IFT88: variants seen among roughly 807,000 people sequenced by gnomAD.
The protein encoded by IFT88 is intraflagellar transport protein 88 homolog.
IFT88 carries 74 observed loss-of-function variants against 119.5 expected under a neutral mutation model. The observed-to-expected ratio is 0.62, with a 90% CI of 0.51 to 0.75. The LOEUF is 0.75. IFT88 is among the 30% of genes least tolerant of loss of function. IFT88 has a pLI of 0.00. For synonymous variants in IFT88, 279 were observed against 316.7 expected, an observed-to-expected ratio of 0.88 and a Z score of 1.26; for missense variants, 961 against 977.7, an observed-to-expected ratio of 0.98 and a Z score of 0.23.
In IFT88 at chr13:20,676,035, A is replaced by G. The variant is rs891178486; in HGVS notation, c.2242+4996A>G. ...TACAGCTTGAACAGTAAAAGTCTGTATCAGTGAACTTCTCTTAAAACCACC... is the reference window on the plus strand; with the variant it reads ...TACAGCTTGAACAGTAAAAGTCTGTGTCAGTGAACTTCTCTTAAAACCACC... On this transcript the variant is annotated intron_variant, in intron 24 of 25. Transcript: ENST00000351808. 2.0e-5 allele frequency among the ~76,000 whole-genome samples: 3 copies of G among 152,344 alleles called. No homozygotes were observed. In the South Asian group the frequency reaches 6.2e-4, roughly 32 times the overall value.
Position 20,671,111 on chromosome 13 carries a change from G to T in IFT88, c.2242+72G>T, listed in dbSNP as rs1594818031. On this transcript the variant is annotated intron_variant, in intron 24 of 25. Transcript: ENST00000351808. Reference sequence around the variant, plus strand: ...GTATGTGGGCTTCTGGAAACATCTTGCAATAATCTAAAGTGTTCTTATGTG... The same window carrying T: ...GTATGTGGGCTTCTGGAAACATCTTTCAATAATCTAAAGTGTTCTTATGTG... 6 of 1,208,856 alleles carry T rather than the reference G, an allele frequency of 5.0e-6. No homozygotes were observed. The East Asian group carries it at 1.2e-4, about 24-fold the overall frequency. The allele number at this position is 1,208,856 out of a possible 1,614,324, so 74.9% of individuals were successfully genotyped here.
chr13:20,580,724 CTTTTTTTTT>C (rs1162699940), intron 2 of IFT88, among the ~76,000 whole-genome samples: 1 of 122,740 alleles, frequency 8.1e-6, no homozygotes, highest in South Asian at 2.6e-4. Flanking sequence ...TTTCTTTTTT[CTTTTTTTTT>C]TTTTTTTTTT....
At chr13:20,630,896 T>C in intron 15 of IFT88, 120 bp from the exon 16 acceptor site, 1 of 557,132 alleles carries the variant, frequency 1.8e-6, no homozygotes, top group Non-Finnish European at 3.3e-6. Flanking sequence ...AACATCTTAA[T>C]CCACCCCTTT....
chr13:20,586,673 C>T (rs995492202), intron 3 of IFT88, among the ~76,000 whole-genome samples: 2 of 152,276 alleles, frequency 1.3e-5, no homozygotes, highest in African/African-American at 4.8e-5. Flanking sequence ...AAATAATGGT[C>T]TTCCCCTCAG....
chr13:20,590,018 G>T, intron 4 of IFT88, 151 bp downstream of exon 4: 1 of 437,396 alleles, frequency 2.3e-6, no homozygotes, highest in Non-Finnish European at 4.2e-6. Context: ...AGTCTAGTGT[G>T]ATTAATAAAT....
chr13:20,578,057 TTTTTTC>T, intron 2 of IFT88, among the ~76,000 whole-genome samples: 1 of 124,696 alleles, frequency 8.0e-6, no homozygotes, highest in African/African-American at 3.2e-5. Context: ...TTTTTTTTTT[TTTTTTC>T]AGATGGAGTC....
chr13:20,649,050 T>C (rs2051181185), intron 20 of IFT88, among the ~76,000 whole-genome samples: 1 of 152,136 alleles, frequency 6.6e-6, no homozygotes, highest in Non-Finnish European at 1.5e-5. Context: ...AAGGGTGAAA[T>C]AGACCTCATA....
At chr13:20,581,959 T>C (rs1238829167) in intron 2 of IFT88, among the ~76,000 whole-genome samples, 1 of 152,178 alleles carries the variant, frequency 6.6e-6, no homozygotes, top group East Asian at 1.9e-4. Context: ...ATATAAACAT[T>C]TTATTTTGAT....
Position 20,570,619 on chromosome 13 carries a change from T to C in IFT88, c.-7+3363T>C, listed in dbSNP as rs149184150. 1.9e-3 allele frequency among the ~76,000 whole-genome samples: 295 copies of C among 152,326 alleles called. 2 individuals carry two copies. The highest frequency in any genetic ancestry group is 6.8e-3 in the African/African-American group (282 of 41,576). Reference sequence around the variant, plus strand: ...AAGAGACCAGACACAAAAGGCTACATATTGTGTAATTTCCTTAATATGAAA... The same window carrying C: ...AAGAGACCAGACACAAAAGGCTACACATTGTGTAATTTCCTTAATATGAAA... On this transcript the variant is annotated intron_variant, in intron 1 of 25. Coordinates refer to ENST00000351808, the MANE Select transcript of IFT88 (RefSeq NM_006531.5).
At chr13:20,688,484 T>C (rs2058176553) in intron 24 of IFT88, among the ~76,000 whole-genome samples, 1 of 152,258 alleles carries the variant, frequency 6.6e-6, no homozygotes, top group South Asian at 2.1e-4. Flanking sequence ...ATACATATTA[T>C]ATCTGTGTGT....
At chr13:20,660,634 C>T (rs2053633314) in intron 22 of IFT88, among the ~76,000 whole-genome samples, 1 of 152,086 alleles carries the variant, frequency 6.6e-6, no homozygotes, top group Non-Finnish European at 1.5e-5. Context: ...GAATATGTAT[C>T]AAAGGTATCA....
At chr13:20,618,031 C>T (rs1025089045) in intron 14 of IFT88, among the ~76,000 whole-genome samples, 2 of 152,144 alleles carry the variant, frequency 1.3e-5, no homozygotes, top group Non-Finnish European at 2.9e-5. Flanking sequence ...AGTGATCTGT[C>T]CTGGCCTCCC....
chr13:20,687,598 G>T (rs149878833), intron 24 of IFT88, among the ~76,000 whole-genome samples: 4 of 152,142 alleles, frequency 2.6e-5, no homozygotes, highest in Non-Finnish European at 5.9e-5. Flanking sequence ...CCTTTTAAAT[G>T]ACATTTTTGT....
intron 13 of IFT88, among the ~76,000 whole-genome samples, chr13:20,605,697 C>G (rs2043320182): frequency 6.6e-6 from 1 of 152,168 alleles, no homozygotes; most frequent in Admixed American, 6.5e-5. Context: ...CAGTTGTAAG[C>G]CTGTAAGCCT....
intron 13 of IFT88, among the ~76,000 whole-genome samples, chr13:20,605,953 G>T (rs141887551): frequency 1.3e-5 from 2 of 152,300 alleles, no homozygotes; most frequent in Admixed American, 6.5e-5. Context: ...CAGCACCTCC[G>T]TGTGTTCATC....
chr13:20,610,075 G>A (rs1387935615), intron 13 of IFT88, among the ~76,000 whole-genome samples: 1 of 151,654 alleles, frequency 6.6e-6, no homozygotes, highest in Non-Finnish European at 1.5e-5. Flanking sequence ...TGTTCAGAGA[G>A]GAAGTAACAC....
chr13:20,607,866 C>T (rs1038788494), intron 13 of IFT88: 1 of 717,092 alleles, frequency 1.4e-6, no homozygotes, highest in East Asian at 2.9e-5. Flanking sequence ...TGCTGCCCAA[C>T]CCAGTCACCA....
intron 15 of IFT88, among the ~76,000 whole-genome samples, chr13:20,627,702 G>A (rs1486060218): frequency 7.2e-6 from 1 of 137,948 alleles, no homozygotes; most frequent in African/African-American, 2.8e-5. Flanking sequence ...CTGCACTCTG[G>A]CCTGAGTGAC....
At chr13:20,610,591 A>AG (rs919718963) in intron 13 of IFT88, among the ~76,000 whole-genome samples, 2 of 152,070 alleles carry the variant, frequency 1.3e-5, no homozygotes, top group African/African-American at 4.8e-5. Context: ...AAAAAAAAAA[A>AG]AGGAATGAAC....
Sources: gnomAD v4.1 joint callset for allele counts (sites outside exome capture counted in the v4.1 genomes callset) on GRCh38, gnomAD v4.1.1 for gene constraint, MANE v1.5 for transcripts, NCBI Gene and HGNC (gene_info 2026-07-23, HGNC 2026-07-21) for gene names.